Variants in PTBP3 observed in about 807,000 individuals in gnomAD.
PTBP3 encodes the protein polypyrimidine tract binding protein 3.
A neutral mutation model predicts 58.7 loss-of-function variants in PTBP3; 20 were observed. The ratio of observed to expected loss-of-function variants is 0.34; its 90% CI spans 0.24 to 0.50. PTBP3 has a LOEUF of 0.50. Among genes scored for constraint, PTBP3 ranks in the 20% least tolerant of loss-of-function variants. PTBP3 has a pLI of 0.98. For synonymous variants in PTBP3, 185 were observed against 219.8 expected (o/e 0.84, Z 1.40); for missense variants, 509 against 637.2 (o/e 0.80, Z 2.17).
In PTBP3 at chr9:112,327,786, ATGAC is replaced by A. The variant is rs546675899; in HGVS notation, c.-52+5680_-52+5683del. ...AATGATTTCTTTCTCACCATAGTAT[ATGAC>A]TAATAGAGGAAAAAAAAAAAAACAC... is the stretch of plus-strand genomic sequence containing the variant. On this transcript the variant is annotated intron_variant, in intron 1 of 13. Transcript: ENST00000374257. 2.8e-3 allele frequency among the ~76,000 whole-genome samples: 381 copies of A among 137,262 alleles called. 2 individuals are homozygous for A. The highest frequency in any genetic ancestry group is 0.011 in the African/African-American group (363 of 33,700). 90.0% of individuals were successfully genotyped at this position (137,262 alleles called of 152,430 possible). A position where few individuals can be genotyped will look rare whatever the true frequency, so the allele number is the denominator to read the frequency against.
intron 1 of PTBP3, among the ~76,000 whole-genome samples, chr9:112,309,797 A>T (rs1829402294): frequency 6.6e-6 from 1 of 152,118 alleles, no homozygotes; most frequent in East Asian, 1.9e-4. Context: ...CAAAAAAAAA[A>T]AAAAAAATTG....
chr9:112,316,484 A>G (rs947342086), intron 1 of PTBP3, among the ~76,000 whole-genome samples: 2 of 152,314 alleles, frequency 1.3e-5, no homozygotes, highest in Non-Finnish European at 2.9e-5. Context: ...GAGCTCGAAC[A>G]TGGATTCTTC....
At chr9:112,299,211 T>C (rs1342815435) in intron 1 of PTBP3, among the ~76,000 whole-genome samples, 2 of 152,028 alleles carry the variant, frequency 1.3e-5, no homozygotes, top group African/African-American at 2.4e-5. Flanking sequence ...CTTCCACACA[T>C]ATGAGTTAGC....
At chr9:112,227,699 C>T in intron 11 of PTBP3, 72 bp from the exon 12 acceptor site, 1 of 1,132,566 alleles carries the variant, frequency 8.8e-7, no homozygotes, top group Admixed American at 1.9e-5. Flanking sequence ...GACAACATTA[C>T]CATAAATTAT....
chr9:112,244,790 A>G (rs1242972966), intron 7 of PTBP3, among the ~76,000 whole-genome samples: 1 of 152,208 alleles, frequency 6.6e-6, no homozygotes, highest in East Asian at 1.9e-4. Context: ...TGTAAATTCA[A>G]TGTAATCCCA....
At chr9:112,309,975 G>A (rs958180347) in intron 1 of PTBP3, among the ~76,000 whole-genome samples, 1 of 152,012 alleles carries the variant, frequency 6.6e-6, no homozygotes, top group African/African-American at 2.4e-5. Flanking sequence ...TAAACCTAAA[G>A]ACATTTGCTA....
At chr9:112,375,766 T>C in the PTBP3 span, among the ~76,000 whole-genome samples, 1 of 152,166 alleles carries the variant, frequency 6.6e-6, no homozygotes, top group East Asian at 1.9e-4. Context: ...ACTTTATGGC[T>C]AGATGGGTCA....
chr9:112,320,291 A>ATATAT (rs1554805667), intron 1 of PTBP3, among the ~76,000 whole-genome samples: 127 of 73,508 alleles, frequency 1.7e-3, no homozygotes, highest in Non-Finnish European at 2.2e-3. Context: ...AAAAAAAAAA[A>ATATAT]ATATATATAT....
intron 4 of PTBP3, among the ~76,000 whole-genome samples, chr9:112,263,495 A>G (rs925691403): frequency 6.6e-6 from 1 of 152,248 alleles, no homozygotes; most frequent in Non-Finnish European, 1.5e-5. Context: ...TGTCAAAGAC[A>G]GATACTCTGA....
At chr9:112,328,164 A>G (rs970607801) in intron 1 of PTBP3, among the ~76,000 whole-genome samples, 3 of 152,328 alleles carry the variant, frequency 2.0e-5, no homozygotes, top group Non-Finnish European at 4.4e-5. Flanking sequence ...GGCTGAAACC[A>G]TTTGTTGTGT....
chr9:112,230,632 G>C (rs923510661), intron 10 of PTBP3, among the ~76,000 whole-genome samples: 1 of 152,086 alleles, frequency 6.6e-6, no homozygotes. Context: ...AAATCAAGTA[G>C]TGAAATAATC....
intron 7 of PTBP3, among the ~76,000 whole-genome samples, chr9:112,249,644 A>C (rs1836024582): frequency 6.6e-6 from 1 of 152,106 alleles, no homozygotes. Flanking sequence ...ATTAATGAGA[A>C]AGGATATGAA....
In PTBP3 at chr9:112,222,030, G is replaced by A; in HGVS notation, c.*1821C>T. On this transcript the variant is annotated 3_prime_UTR_variant, in exon 14 of 14. Transcript: ENST00000374257. ...CTGGGCTCAAGTGATCCTCCTGCCT[G>A]TAGCCTCCTGCCTACAGGCTCAGCC... 2 of 943,546 alleles carry A rather than the reference G, an allele frequency of 2.1e-6. No individual in the cohort carries two copies. Among genetic ancestry groups the A allele is most frequent in the South Asian group, 4.9e-5 (1 of 20,346 alleles). The allele number at this position is 943,546 out of a possible 1,614,324, so 58.4% of individuals were successfully genotyped here.
At chr9:112,282,804 G>GT (rs1827932595) in intron 2 of PTBP3, among the ~76,000 whole-genome samples, 1 of 152,062 alleles carries the variant, frequency 6.6e-6, no homozygotes, top group African/African-American at 2.4e-5. Context: ...GCCTATCTTG[G>GT]TGATATGGTT....
At chr9:112,255,946 T>A (rs550793988) in intron 5 of PTBP3, among the ~76,000 whole-genome samples, 1 of 152,198 alleles carries the variant, frequency 6.6e-6, no homozygotes, top group African/African-American at 2.4e-5. Context: ...TTGTATCTAT[T>A]TCTTGGTTTT....
intron 1 of PTBP3, among the ~76,000 whole-genome samples, chr9:112,306,605 T>TATATA (rs746604981): frequency 0.19 from 18,014 of 92,670 alleles, 1,482 homozygotes; most frequent in Admixed American, 0.29. Context: ...TATATATATA[T>TATATA]TTTTGTTTGT....
rs1365358378 is a variant in PTBP3, at chr9:112,222,901, C to G, written c.*950G>C. On this transcript the variant is annotated 3_prime_UTR_variant, in exon 14 of 14. Transcript: ENST00000374257. ...GATTAATTTTTTTCTAAAAGAAGAC[C>G]TTACCAAAAATAACTTTTAAAAAAT... 1.1e-6 allele frequency: 1 copy of G among 880,186 alleles called. No homozygotes were observed. Among genetic ancestry groups the G allele is most frequent in the Non-Finnish European group, 1.4e-6 (1 of 734,176 alleles). 54.5% of individuals were successfully genotyped at this position (880,186 alleles called of 1,614,324 possible).
the PTBP3 span, among the ~76,000 whole-genome samples, chr9:112,354,215 T>C: frequency 2.0e-5 from 3 of 152,190 alleles, no homozygotes; most frequent in East Asian, 5.8e-4. Flanking sequence ...TTAGTGGAAA[T>C]AATAGCCCTG....
intron 8 of PTBP3, among the ~76,000 whole-genome samples, chr9:112,234,170 C>A (rs1835358096): frequency 6.6e-6 from 1 of 152,158 alleles, no homozygotes; most frequent in Non-Finnish European, 1.5e-5. Flanking sequence ...GTAACATTTT[C>A]TCTTTTCCTT....
Sources: allele counts gnomAD v4.1 joint callset (sites outside exome capture counted in the v4.1 genomes callset), GRCh38; gene constraint gnomAD v4.1.1; transcripts MANE v1.5; gene names NCBI Gene and HGNC (gene_info 2026-07-23, HGNC 2026-07-21).